Variants in PTPRD observed in about 807,000 individuals in gnomAD.
PTPRD encodes the protein receptor-type tyrosine-protein phosphatase delta.
PTPRD carries 34 observed loss-of-function variants against 214.5 expected under a neutral mutation model. The observed-to-expected ratio is 0.16, with a 90% confidence interval of 0.12 to 0.21. The LOEUF is 0.21. Among genes scored for constraint, PTPRD ranks in the 10% least tolerant of loss-of-function variants. The pLI, the probability that PTPRD is intolerant of heterozygous loss-of-function variation, is 1.00. For missense variants in PTPRD, 2,545 were observed against 2,398.7 expected (o/e 1.06, Z -1.27); for synonymous variants, 1,128 against 845.7 (o/e 1.33, Z -5.79).
intron 10 of PTPRD, among the ~76,000 whole-genome samples, chr9:9,073,006 G>T (rs1320160773): frequency 6.6e-6 from 1 of 152,178 alleles, no homozygotes; most frequent in Non-Finnish European, 1.5e-5. Flanking sequence ...CTCAAACATG[G>T]AAGTTCAGAA....
At chr9:8,663,309 A>C (rs1378395995) in intron 12 of PTPRD, among the ~76,000 whole-genome samples, 4 of 148,530 alleles carry the variant, frequency 2.7e-5, no homozygotes, top group Non-Finnish European at 4.4e-5. Context: ...TTCTGGGTCC[A>C]CAAGGTAAAA....
chr9:8,547,794 A>T (rs571064263), intron 14 of PTPRD, among the ~76,000 whole-genome samples: 1 of 152,350 alleles, frequency 6.6e-6, no homozygotes, highest in East Asian at 1.9e-4. Context: ...TTATGTGTGG[A>T]TATGTATGTT....
chr9:9,330,471 G>A (rs140914416), intron 9 of PTPRD, among the ~76,000 whole-genome samples: 2,313 of 151,940 alleles, frequency 0.015, 61 homozygotes, highest in African/African-American at 0.054. Context: ...ACTTCCCATC[G>A]AGCAATTTTA....
At chr9:10,310,568 G>C (rs1046248205) in intron 3 of PTPRD, among the ~76,000 whole-genome samples, 4 of 150,782 alleles carry the variant, frequency 2.7e-5, no homozygotes, top group South Asian at 2.1e-4. Flanking sequence ...TATTCACTGA[G>C]AGTTAGAAAA....
intron 9 of PTPRD, among the ~76,000 whole-genome samples, chr9:9,209,652 T>C (rs140904133): frequency 1.6e-3 from 239 of 152,292 alleles, no homozygotes; most frequent in Non-Finnish European, 2.0e-3. Flanking sequence ...GGACTATAAA[T>C]AAACCAGACT....
chr9:8,762,437 TAATA>T (rs1003455495), intron 11 of PTPRD, among the ~76,000 whole-genome samples: 19 of 152,290 alleles, frequency 1.2e-4, no homozygotes, highest in Non-Finnish European at 2.2e-4. Context: ...AATCAAATAA[TAATA>T]AATAATGAGA....
intron 41 of PTPRD, 40 bp downstream of exon 41, chr9:8,341,050 T>C: frequency 6.6e-7 from 1 of 1,525,666 alleles, no homozygotes; most frequent in Non-Finnish European, 8.8e-7. Flanking sequence ...CACATGTAAA[T>C]ATCAAGGCTT....
chr9:9,127,451 T>C (rs768980382), intron 10 of PTPRD, among the ~76,000 whole-genome samples: 2 of 152,196 alleles, frequency 1.3e-5, no homozygotes, highest in Non-Finnish European at 2.9e-5. Flanking sequence ...ACTGGGAAGC[T>C]ATAACTGACA....
intron 7 of PTPRD, among the ~76,000 whole-genome samples, chr9:9,637,449 A>G (rs1046809461): frequency 6.6e-6 from 1 of 152,246 alleles, no homozygotes; most frequent in African/African-American, 2.4e-5. Flanking sequence ...AGAAGGAAGG[A>G]GTAATGGGTC....
intron 11 of PTPRD, among the ~76,000 whole-genome samples, chr9:8,773,729 A>T (rs1418632974): frequency 1.3e-5 from 2 of 152,234 alleles, no homozygotes; most frequent in Non-Finnish European, 2.9e-5. Context: ...AATCTTGTCT[A>T]CTTTGCTAGC....
At chr9:10,477,523 A>G (rs1336575919) in intron 2 of PTPRD, among the ~76,000 whole-genome samples, 1 of 152,156 alleles carries the variant, frequency 6.6e-6, no homozygotes. Flanking sequence ...ATGCTTTTAC[A>G]CTGTTGGCGG....
chr9:8,387,313 A>C (rs2087494907), intron 37 of PTPRD, among the ~76,000 whole-genome samples: 1 of 152,314 alleles, frequency 6.6e-6, no homozygotes, highest in Middle Eastern at 3.4e-3. Context: ...TTCCGCCAAG[A>C]ACTGCTCATT....
intron 7 of PTPRD, among the ~76,000 whole-genome samples, chr9:9,681,149 T>C (rs1254183473): frequency 6.6e-6 from 1 of 151,864 alleles, no homozygotes; most frequent in Non-Finnish European, 1.5e-5. Context: ...TTCCATTCAC[T>C]TGAATCTGGG....
At chr9:9,681,070 A>C (rs1211764521) in intron 7 of PTPRD, among the ~76,000 whole-genome samples, 1 of 151,886 alleles carries the variant, frequency 6.6e-6, no homozygotes, top group Non-Finnish European at 1.5e-5. Context: ...TTTGTAATAG[A>C]GATTTCAAAA....
At chr9:10,121,220 G>A (rs936697635) in intron 3 of PTPRD, among the ~76,000 whole-genome samples, 1 of 152,068 alleles carries the variant, frequency 6.6e-6, no homozygotes, top group South Asian at 2.1e-4. Flanking sequence ...CAAATTTATA[G>A]AGACTGTTTT....
chr9:9,319,831 G>T (rs1463351725), intron 9 of PTPRD, among the ~76,000 whole-genome samples: 1 of 152,060 alleles, frequency 6.6e-6, no homozygotes. Context: ...AAGTATTTTT[G>T]AATAATTTAC....
intron 7 of PTPRD, among the ~76,000 whole-genome samples, chr9:9,676,308 G>C (rs982892415): frequency 3.8e-5 from 5 of 130,552 alleles, no homozygotes; most frequent in African/African-American, 1.5e-4. Flanking sequence ...CCCAGTGTGT[G>C]ATGTTCCCCT....
intron 5 of PTPRD, among the ~76,000 whole-genome samples, chr9:9,860,749 T>A (rs921130369): frequency 1.3e-5 from 2 of 152,116 alleles, no homozygotes; most frequent in African/African-American, 2.4e-5. Flanking sequence ...ACAATTGTAG[T>A]TCATTACTGA....
At chr9:10,168,250 A>C (rs908573661) in intron 3 of PTPRD, among the ~76,000 whole-genome samples, 3 of 152,222 alleles carry the variant, frequency 2.0e-5, no homozygotes, top group African/African-American at 7.2e-5. Flanking sequence ...TTATTCAATT[A>C]TTTCATCCAC....
Sources: allele counts gnomAD v4.1 joint callset (sites outside exome capture counted in the v4.1 genomes callset), GRCh38; gene constraint gnomAD v4.1.1; transcripts MANE v1.5; gene names NCBI Gene and HGNC (gene_info 2026-07-23, HGNC 2026-07-21).